The following RBFOX1 variants were observed in gnomAD, a reference collection of about 807,000 sequenced individuals.
RBFOX1 encodes RNA binding protein fox-1 homolog 1.
A neutral mutation model predicts 57.7 loss-of-function variants in RBFOX1; 8 were observed. The ratio of observed to expected loss-of-function variants is 0.14; its 90% CI spans 0.08 to 0.25. The LOEUF is 0.25. RBFOX1 is among the 10% of genes least tolerant of loss of function. The probability of loss-of-function intolerance (pLI) is 1.00; values close to 1 mark genes in which losing one functional copy is unlikely to be tolerated. For synonymous variants in RBFOX1, 326 were observed against 222.4 expected (o/e 1.47, Z -4.15); for missense variants, 611 against 548.5 (o/e 1.11, Z -1.14).
chr16:6,154,056 A>C (rs558606323), intron 1 of RBFOX1, among the ~76,000 whole-genome samples: 1 of 152,352 alleles, frequency 6.6e-6, no homozygotes, highest in African/African-American at 2.4e-5. Context: ...GACCTCATGG[A>C]AACCTCCACT....
At chr16:7,226,113 A>G (rs999804347) in intron 4 of RBFOX1, among the ~76,000 whole-genome samples, 3 of 152,024 alleles carry the variant, frequency 2.0e-5, no homozygotes, top group Non-Finnish European at 4.4e-5. Context: ...AGATCCTATC[A>G]CTTTGTCTTG....
At chr16:6,531,009 G>T (rs970676428) in intron 2 of RBFOX1, among the ~76,000 whole-genome samples, 10 of 152,242 alleles carry the variant, frequency 6.6e-5, no homozygotes, top group African/African-American at 1.9e-4. Context: ...GCATCGCACA[G>T]GCCATTGTCC....
At chr16:7,283,022 C>T (rs901515973) in intron 4 of RBFOX1, among the ~76,000 whole-genome samples, 3 of 152,162 alleles carry the variant, frequency 2.0e-5, no homozygotes, top group Non-Finnish European at 4.4e-5. Context: ...TGGGTTGGTT[C>T]CACATTTTTG....
intron 4 of RBFOX1, among the ~76,000 whole-genome samples, chr16:5,893,698 A>T (rs190501256): frequency 8.6e-5 from 13 of 151,964 alleles, no homozygotes; most frequent in South Asian, 2.1e-4. Context: ...CCCGGTTGCT[A>T]TGGAGGCTGA....
chr16:7,052,624 C>T (rs999821548), intron 4 of RBFOX1, among the ~76,000 whole-genome samples: 1 of 152,102 alleles, frequency 6.6e-6, no homozygotes, highest in East Asian at 1.9e-4. Context: ...TATTCTGTTT[C>T]CCCACTTAAA....
chr16:6,583,939 A>G (rs1020707907), intron 2 of RBFOX1, among the ~76,000 whole-genome samples: 3 of 151,986 alleles, frequency 2.0e-5, no homozygotes, highest in African/African-American at 7.2e-5. Context: ...TATCTTCATC[A>G]CTCCAGTTTG....
intron 1 of RBFOX1, among the ~76,000 whole-genome samples, chr16:5,463,916 A>T (rs552805522): frequency 1.3e-5 from 2 of 152,348 alleles, no homozygotes; most frequent in African/African-American, 4.8e-5. Flanking sequence ...CTTTCAGCCA[A>T]ATTGTGTTCA....
chr16:7,331,631 A>T (rs1302817135), intron 4 of RBFOX1, among the ~76,000 whole-genome samples: 1 of 152,120 alleles, frequency 6.6e-6, no homozygotes, highest in Non-Finnish European at 1.5e-5. Context: ...ACATCATGTT[A>T]TGGTTCTAGG....
At chr16:5,314,607 C>T (rs1205252903) in intron 1 of RBFOX1, among the ~76,000 whole-genome samples, 1 of 151,996 alleles carries the variant, frequency 6.6e-6, no homozygotes, top group African/African-American at 2.4e-5. Context: ...CTGAAGTGAT[C>T]CTCCTTTCTC....
chr16:7,047,904 G>A (rs1367862263), intron 3 of RBFOX1, among the ~76,000 whole-genome samples: 2 of 150,344 alleles, frequency 1.3e-5, no homozygotes, highest in South Asian at 2.1e-4. Flanking sequence ...TTTTTGAGAC[G>A]TCTCACTCTT....
At chr16:5,280,114 T>A (rs1236961312) in intron 1 of RBFOX1, among the ~76,000 whole-genome samples, 1 of 152,250 alleles carries the variant, frequency 6.6e-6, no homozygotes, top group Admixed American at 6.5e-5. Context: ...GTTCCTTGTA[T>A]GCCTAATTTG....
intron 1 of RBFOX1, among the ~76,000 whole-genome samples, chr16:6,200,331 G>A (rs867219319): frequency 1.3e-5 from 2 of 152,044 alleles, no homozygotes; most frequent in Non-Finnish European, 2.9e-5. Flanking sequence ...TGTATGCCCC[G>A]AAAGAGAGCA....
chr16:7,320,570 C>T (rs929832734), intron 4 of RBFOX1, among the ~76,000 whole-genome samples: 8 of 152,162 alleles, frequency 5.3e-5, no homozygotes, highest in Non-Finnish European at 1.2e-4. Flanking sequence ...AGTCCAGAAT[C>T]TATTAGTTTT....
At chr16:6,880,469 C>T (rs1334196919) in intron 3 of RBFOX1, among the ~76,000 whole-genome samples, 3 of 152,124 alleles carry the variant, frequency 2.0e-5, no homozygotes, top group African/African-American at 7.2e-5. Context: ...GGTCATTGGT[C>T]CAAGGTGGAC....
intron 4 of RBFOX1, among the ~76,000 whole-genome samples, chr16:7,124,777 C>A (rs1273870152): frequency 2.0e-5 from 3 of 151,992 alleles, no homozygotes; most frequent in Admixed American, 2.0e-4. Context: ...AGGAATGCTG[C>A]ACTTCCAATG....
chr16:7,067,685 G>T (rs60993193), intron 4 of RBFOX1, among the ~76,000 whole-genome samples: 1 of 116,546 alleles, frequency 8.6e-6, no homozygotes, highest in Non-Finnish European at 1.7e-5. Flanking sequence ...TCCCTCCCCC[G>T]TCCCCCCACC....
intron 4 of RBFOX1, among the ~76,000 whole-genome samples, chr16:7,378,771 C>T (rs578045229): frequency 9.2e-5 from 14 of 152,308 alleles, no homozygotes; most frequent in South Asian, 4.1e-4. Flanking sequence ...TACTGCAGAA[C>T]ACGGACACTC....
chr16:6,078,907 A>G (rs1296964296), intron 1 of RBFOX1, among the ~76,000 whole-genome samples: 2 of 152,238 alleles, frequency 1.3e-5, no homozygotes, highest in African/African-American at 4.8e-5. Flanking sequence ...TTAATGTGGT[A>G]AAAATGTCAT....
intron 1 of RBFOX1, among the ~76,000 whole-genome samples, chr16:6,290,933 C>G (rs2077404887): frequency 6.6e-6 from 1 of 152,090 alleles, no homozygotes; most frequent in East Asian, 1.9e-4. Context: ...AATGGCTACT[C>G]CATAGAGAGA....
Sources: gnomAD v4.1 joint callset for allele counts (sites outside exome capture counted in the v4.1 genomes callset) on GRCh38, gnomAD v4.1.1 for gene constraint, MANE v1.5 for transcripts, NCBI Gene and HGNC (gene_info 2026-07-23, HGNC 2026-07-21) for gene names.